The following POU2F1 variants were observed in gnomAD, a reference collection of about 807,000 sequenced individuals.
POU2F1 encodes the protein POU domain, class 2, transcription factor 1.
Under a neutral mutation model 84.9 loss-of-function variants are expected in POU2F1, and 16 were observed. The observed-to-expected ratio is 0.19, with a 90% CI of 0.13 to 0.29. The LOEUF (loss-of-function observed/expected upper bound fraction) is 0.29. Among genes scored for constraint, POU2F1 ranks in the 10% least tolerant of loss-of-function variants. The pLI is 1.00. For missense variants in POU2F1, 738 were observed against 942.6 expected (o/e 0.78, Z 2.84); for synonymous variants, 368 against 368.3 (o/e 1.00, Z 0.01).
chr1:167,339,901 A>G (rs748411927), intron 2 of POU2F1, among the ~76,000 whole-genome samples: 1 of 152,208 alleles, frequency 6.6e-6, no homozygotes, highest in Non-Finnish European at 1.5e-5. Context: ...TTGATTAAGT[A>G]TTTACTGGGT....
chr1:167,227,841 G>A (rs1648754769), intron 1 of POU2F1, among the ~76,000 whole-genome samples: 1 of 152,178 alleles, frequency 6.6e-6, no homozygotes, highest in Non-Finnish European at 1.5e-5. Context: ...GTGTGTCCAA[G>A]TTTGAAAGAG....
Position 167,424,409 on chromosome 1 carries a change from T to C in POU2F1, c.*8599T>C, listed in dbSNP as rs112853877. On this transcript the variant is annotated 3_prime_UTR_variant, in exon 16 of 16. Transcript: ENST00000367866. ...GGAGGTCTCACTCCGCAGGAAACGCTCTCCTCCCGCATAAGTCTGTACTTC... is the reference window on the plus strand; with the variant it reads ...GGAGGTCTCACTCCGCAGGAAACGCCCTCCTCCCGCATAAGTCTGTACTTC... 1 of 152,246 alleles carries C rather than the reference T, an allele frequency of 6.6e-6. No individual in the cohort carries two copies. Among genetic ancestry groups the C allele is most frequent in the Non-Finnish European group, 1.5e-5 (1 of 68,078 alleles). The allele number at this position is 152,246 out of a possible 1,614,324, so 9.4% of individuals were successfully genotyped here. A position where few individuals can be genotyped will look rare whatever the true frequency, so the allele number is the denominator to read the frequency against.
chr1:167,371,874 T>C (rs375599460), intron 4 of POU2F1, 43 bp from the exon 5 acceptor site: 1 of 1,611,662 alleles, frequency 6.2e-7, no homozygotes, highest in Non-Finnish European at 8.5e-7. Flanking sequence ...TTTCTTTTAA[T>C]CAACCATTTG....
At chr1:167,384,955 CT>C (rs1327930309) in intron 8 of POU2F1, among the ~76,000 whole-genome samples, 3 of 151,968 alleles carry the variant, frequency 2.0e-5, no homozygotes, top group Non-Finnish European at 4.4e-5. Flanking sequence ...TGTAGAAAAT[CT>C]TAAGGAATCT....
intron 1 of POU2F1, chr1:167,257,922 G>A (rs367809864): frequency 2.6e-5 from 4 of 151,978 alleles, no homozygotes; most frequent in Non-Finnish European, 4.4e-5. Context: ...CTACAGGTGC[G>A]TGCCATCATG....
In POU2F1 at chr1:167,363,315, T is replaced by C. The variant is rs181118516; in HGVS notation, c.128-2152T>C. 4.2e-3 allele frequency among the ~76,000 whole-genome samples: 636 copies of C among 152,336 alleles called. 11 individuals are homozygous for C. Among genetic ancestry groups the C allele is most frequent in the African/African-American group, 0.015 (615 of 41,566 alleles). On this transcript the variant is annotated intron_variant, in intron 2 of 15. Coordinates refer to ENST00000367866, the MANE Select transcript of POU2F1 (RefSeq NM_002697.4). ...GTCTCGGTTTTTCAAAATCTCATAT[T>C]CTTTTAGTCTTGTTGATTTATTTAA...
rs564189119 is a variant in POU2F1 at position 167,426,608 on chromosome 1, T to TC, written c.*10799dup. 51 of 152,342 alleles carry TC rather than the reference T, an allele frequency of 3.3e-4. No homozygotes were observed. In the South Asian group the frequency reaches 9.7e-3, roughly 29 times the overall value. 9.4% of individuals were successfully genotyped at this position (152,342 alleles called of 1,614,324 possible). A position where few individuals can be genotyped will look rare whatever the true frequency, so the allele number is the denominator to read the frequency against. On this transcript the variant is annotated 3_prime_UTR_variant, in exon 16 of 16. Coordinates refer to ENST00000367866, the MANE Select transcript of POU2F1 (RefSeq NM_002697.4). Reference sequence around the variant, plus strand: ...TCAATATCTTAACTCACTTTTTTTTTCTTCCTTTTTTGTCTTAATTATTAA... The same window carrying TC: ...TCAATATCTTAACTCACTTTTTTTTTCCTTCCTTTTTTGTCTTAATTATTAA...
At chr1:167,410,181 A>G (rs918682598) in intron 13 of POU2F1, among the ~76,000 whole-genome samples, 1 of 152,264 alleles carries the variant, frequency 6.6e-6, no homozygotes, top group African/African-American at 2.4e-5. Context: ...AAGGGTAGAC[A>G]GAGGAAGAAA....
intron 1 of POU2F1, among the ~76,000 whole-genome samples, chr1:167,278,464 C>T (rs1313382936): frequency 6.6e-6 from 1 of 152,120 alleles, no homozygotes; most frequent in Non-Finnish European, 1.5e-5. Context: ...TTGAGTTTGT[C>T]CTTTCTCTAG....
Position 167,418,124 on chromosome 1 carries a change from G to A in POU2F1, c.*2314G>A, listed in dbSNP as rs1650425724. ...TTTTTAGCAAGCTGCTGTACTAATG[G>A]ACTAGTTGATAACGTGCAGTTCAGA... is the stretch of plus-strand genomic sequence containing the variant. On this transcript the variant is annotated 3_prime_UTR_variant, in exon 16 of 16. Coordinates refer to ENST00000367866, the MANE Select transcript of POU2F1 (RefSeq NM_002697.4). 1 of 152,168 alleles carries A rather than the reference G, an allele frequency of 6.6e-6. No homozygotes were observed. Among genetic ancestry groups the A allele is most frequent in the Admixed American group, 6.5e-5 (1 of 15,270 alleles). The allele number at this position is 152,168 out of a possible 1,614,324, so 9.4% of individuals were successfully genotyped here.
intron 1 of POU2F1, among the ~76,000 whole-genome samples, chr1:167,221,481 C>A (rs991972714): frequency 1.1e-4 from 16 of 148,940 alleles, no homozygotes; most frequent in Non-Finnish European, 1.5e-4. Flanking sequence ...GAGCACAATG[C>A]CGGGGAGGCG....
At chr1:167,269,537 G>C (rs112407439) in intron 1 of POU2F1, among the ~76,000 whole-genome samples, 5 of 152,350 alleles carry the variant, frequency 3.3e-5, no homozygotes, top group African/African-American at 1.2e-4. Context: ...GATGGAAAGA[G>C]AGTGACAAAG....
chr1:167,353,455 A>G (rs2101794619), intron 2 of POU2F1, among the ~76,000 whole-genome samples: 1 of 151,230 alleles, frequency 6.6e-6, no homozygotes, highest in Non-Finnish European at 1.5e-5. Context: ...CCTATCTTTC[A>G]ACCGCTATTG....
chr1:167,325,673 C>T (rs112794543), intron 1 of POU2F1, among the ~76,000 whole-genome samples: 9 of 152,106 alleles, frequency 5.9e-5, no homozygotes, highest in African/African-American at 1.2e-4. Flanking sequence ...GGGCGAATCA[C>T]GAGGTCAGGA....
chr1:167,357,347 CTCCCCCACG>C (rs1659007178), intron 2 of POU2F1: 1 of 30,726 alleles, frequency 3.3e-5, no homozygotes, highest in African/African-American at 1.5e-4. Flanking sequence ...ATTGCCCCCC[CTCCCCCACG>C]CCTCCCCCCC....
At chr1:167,367,609 C>CT (rs1452809341) in intron 3 of POU2F1, among the ~76,000 whole-genome samples, 1 of 152,062 alleles carries the variant, frequency 6.6e-6, no homozygotes, top group Admixed American at 6.6e-5. Context: ...TTTAAAAAAA[C>CT]TTTCAAATTT....
intron 1 of POU2F1, among the ~76,000 whole-genome samples, chr1:167,231,963 G>A (rs1301839634): frequency 6.6e-6 from 1 of 152,080 alleles, no homozygotes; most frequent in Non-Finnish European, 1.5e-5. Context: ...TACCACAAGG[G>A]GATTGGTTCC....
chr1:167,221,139 G>C (rs1426482373), intron 1 of POU2F1, among the ~76,000 whole-genome samples, 181 bp downstream of exon 1: 1 of 151,554 alleles, frequency 6.6e-6, no homozygotes, highest in Non-Finnish European at 1.5e-5. Context: ...AAGAGGCTCG[G>C]AGCGGCCAGG....
At chr1:167,221,348 G>A (rs1648141826) in intron 1 of POU2F1, among the ~76,000 whole-genome samples, 1 of 150,890 alleles carries the variant, frequency 6.6e-6, no homozygotes, top group South Asian at 2.1e-4. Context: ...AGAGGGAGAG[G>A]ACAATAAAGA....
Sources: allele counts gnomAD v4.1 joint callset (sites outside exome capture counted in the v4.1 genomes callset), GRCh38; gene constraint gnomAD v4.1.1; transcripts MANE v1.5; gene names NCBI Gene and HGNC (gene_info 2026-07-23, HGNC 2026-07-21).